Variants in SLCO6A1 observed in about 807,000 individuals in gnomAD.
The protein encoded by SLCO6A1 is solute carrier organic anion transporter family member 6A1, also known as cancer/testis antigen 48.
SLCO6A1 carries 65 observed loss-of-function variants against 72.7 expected under a neutral mutation model. That is an observed-to-expected ratio of 0.89 (90% CI 0.73 to 1.10). The LOEUF is 1.10. Ranked by LOEUF, SLCO6A1 falls within the 50% of genes least tolerant of loss-of-function variation. SLCO6A1 has a pLI of 0.00. For missense variants in SLCO6A1, 874 were observed against 872.6 expected (o/e 1.00, Z -0.02); for synonymous variants, 314 against 298.2 (o/e 1.05, Z -0.55).
intron 5 of SLCO6A1, 105 bp from the exon 6 acceptor site, chr5:102,458,596 C>T (rs1044027316): frequency 2.9e-6 from 2 of 685,766 alleles, no homozygotes; most frequent in Non-Finnish European, 4.9e-6. Context: ...CCTGAAATGG[C>T]AAATGAGTTA....
chr5:102,393,790 G>A (rs1171545658), intron 10 of SLCO6A1, among the ~76,000 whole-genome samples: 1 of 152,024 alleles, frequency 6.6e-6, no homozygotes, highest in Non-Finnish European at 1.5e-5. Context: ...ACATAAATAT[G>A]TTAAAATAAC....
intron 12 of SLCO6A1, among the ~76,000 whole-genome samples, chr5:102,374,588 T>G (rs1256789622): frequency 6.6e-6 from 1 of 152,150 alleles, no homozygotes; most frequent in African/African-American, 2.4e-5. Context: ...ATCAATTATC[T>G]GACATAATGG....
chr5:102,380,472 C>T (rs1017146742), intron 12 of SLCO6A1, among the ~76,000 whole-genome samples: 2 of 152,010 alleles, frequency 1.3e-5, no homozygotes, highest in Non-Finnish European at 2.9e-5. Flanking sequence ...TGATGAATGT[C>T]ACAGCCTTTT....
intron 7 of SLCO6A1, among the ~76,000 whole-genome samples, chr5:102,423,175 A>C (rs1748700578): frequency 6.6e-6 from 1 of 151,910 alleles, no homozygotes; most frequent in Admixed American, 6.6e-5. Context: ...AAAAACACCA[A>C]AATATCATGA....
chr5:102,392,936 A>G (rs935993355), intron 10 of SLCO6A1, among the ~76,000 whole-genome samples: 2 of 152,134 alleles, frequency 1.3e-5, no homozygotes, highest in African/African-American at 4.8e-5. Flanking sequence ...CCCGTTTCAA[A>G]ATAAAAAAAC....
At position 102,453,151 on chromosome 5, in the gene SLCO6A1, G is replaced by A. The variant is rs527426664; in HGVS notation, c.1131+5231C>T. On this transcript the variant is annotated intron_variant, in intron 6 of 13. Coordinates refer to ENST00000506729, the MANE Select transcript of SLCO6A1 (RefSeq NM_173488.5). Reference sequence around the variant, plus strand: ...CTAAAATCAGAGATATCTCACATAAGCCCAGTTCAAGACCAGCCTGGGCAA... The same window carrying A: ...CTAAAATCAGAGATATCTCACATAAACCCAGTTCAAGACCAGCCTGGGCAA... 3.1e-3 allele frequency among the ~76,000 whole-genome samples: 466 copies of A among 151,936 alleles called. 3 individuals carry two copies. Among genetic ancestry groups the A allele is most frequent in the African/African-American group, 0.011 (451 of 41,440 alleles).
In SLCO6A1 at chr5:102,413,036, G is replaced by A. The variant is rs1748075418; in HGVS notation, c.1580C>T (p.Pro527Leu). The A allele has an allele frequency of 1.9e-6, 3 of 1,560,906 alleles. No individual in the cohort carries two copies. Among genetic ancestry groups the A allele is most frequent in the Admixed American group, 2.0e-5 (1 of 51,116 alleles). Residue 527 changes from proline (P) to leucine (L), a missense_variant, in exon 9 of 14, where the codon CCC (proline) becomes CTC (leucine). By Grantham distance (98) the Pro-to-Leu change is moderately conservative (BLOSUM62 -3). Coordinates refer to ENST00000506729, the MANE Select transcript of SLCO6A1 (RefSeq NM_173488.5). ...CGRDDIEYFS[P>L]CFAGCTYSKA... The stretch of plus-strand genomic sequence containing the variant: ...AGAATATGTACACCCTGCAAAGCAG[G>A]GAGAAAAATATTCAATATCATCTCT...
chr5:102,420,496 T>A (rs993129818), intron 7 of SLCO6A1, among the ~76,000 whole-genome samples: 5 of 152,038 alleles, frequency 3.3e-5, no homozygotes, highest in Non-Finnish European at 7.4e-5. Flanking sequence ...CACAACAAAG[T>A]GGGACTCTAG....
At chr5:102,450,753 C>T (rs1164414680) in intron 6 of SLCO6A1, among the ~76,000 whole-genome samples, 3 of 149,688 alleles carry the variant, frequency 2.0e-5, no homozygotes, top group Non-Finnish European at 4.5e-5. Flanking sequence ...TATGATTAGC[C>T]CAGGGTGAAG....
chr5:102,445,939 G>A (rs541717318), intron 6 of SLCO6A1, among the ~76,000 whole-genome samples: 1 of 152,236 alleles, frequency 6.6e-6, no homozygotes, highest in East Asian at 1.9e-4. Flanking sequence ...GTCTGTTTAT[G>A]TACCAGTACC....
chr5:102,400,877 C>A (rs899304934), intron 9 of SLCO6A1, among the ~76,000 whole-genome samples: 1 of 151,738 alleles, frequency 6.6e-6, no homozygotes, highest in African/African-American at 2.4e-5. Flanking sequence ...TTTTTGAGTG[C>A]CTATATGCCA....
intron 6 of SLCO6A1, among the ~76,000 whole-genome samples, chr5:102,457,053 A>G (rs2112749229): frequency 6.6e-6 from 1 of 152,340 alleles, no homozygotes; most frequent in Non-Finnish European, 1.5e-5. Context: ...AGCCATGTGT[A>G]GAAAGCTGAA....
chr5:102,420,067 T>C, intron 7 of SLCO6A1, 46 bp from the exon 8 acceptor site: 3 of 1,398,994 alleles, frequency 2.1e-6, no homozygotes, highest in Non-Finnish European at 2.9e-6. Flanking sequence ...AATCAGCTGA[T>C]AGTACAGATA....
chr5:102,395,803 AT>A (rs1747041293), intron 10 of SLCO6A1, among the ~76,000 whole-genome samples: 1 of 152,054 alleles, frequency 6.6e-6, no homozygotes, highest in Admixed American at 6.6e-5. Context: ...GATGATGAGC[AT>A]TTTTTCATGT....
intron 6 of SLCO6A1, among the ~76,000 whole-genome samples, chr5:102,447,664 G>A (rs982237176): frequency 2.0e-5 from 3 of 152,130 alleles, no homozygotes; most frequent in African/African-American, 7.2e-5. Context: ...CGTGCATAGT[G>A]GTGCTTGTAA....
chr5:102,475,841 G>A lies in SLCO6A1; in HGVS notation c.803-48C>T, dbSNP rs368918330. ...GAACATCAAACAATTTCATAAGCCA[G>A]CTTCGTTATGATAAAAATTGACTGA... On this transcript the variant is annotated intron_variant, in intron 3 of 13. Transcript: ENST00000506729. 122 of 1,398,422 alleles carry A rather than the reference G, an allele frequency of 8.7e-5. No individual in the cohort carries two copies. In the African/African-American group the frequency reaches 1.5e-3, roughly 18 times the overall value. 86.6% of individuals were successfully genotyped at this position (1,398,422 alleles called of 1,614,324 possible).
chr5:102,382,722 G>A (rs1002282504), intron 12 of SLCO6A1, among the ~76,000 whole-genome samples: 5 of 150,650 alleles, frequency 3.3e-5, no homozygotes, highest in African/African-American at 1.2e-4. Flanking sequence ...ATTTATTTCT[G>A]TCTATCTCTT....
At chr5:102,459,519 G>T in intron 5 of SLCO6A1, 137 bp downstream of exon 5, 1 of 937,586 alleles carries the variant, frequency 1.1e-6, no homozygotes, top group Non-Finnish European at 1.5e-6. Context: ...ACTTGACACT[G>T]TATCTCTATG....
intron 1 of SLCO6A1, 23 bp downstream of exon 1, chr5:102,498,464 C>A: frequency 6.3e-7 from 1 of 1,598,424 alleles, no homozygotes; most frequent in Non-Finnish European, 8.5e-7. Flanking sequence ...CTCGCCACAA[C>A]AAACCGCCTC....
Sources: allele counts gnomAD v4.1 joint callset (sites outside exome capture counted in the v4.1 genomes callset), GRCh38; gene constraint gnomAD v4.1.1; transcripts MANE v1.5; gene names NCBI Gene and HGNC (gene_info 2026-07-23, HGNC 2026-07-21).